NVL: variants seen among roughly 807,000 people sequenced by gnomAD.
NVL encodes nuclear valosin-containing protein-like.
NVL carries 84 observed loss-of-function variants against 110.2 expected under a neutral mutation model. The observed-to-expected ratio is 0.76, with a 90% CI of 0.64 to 0.91. The LOEUF (loss-of-function observed/expected upper bound fraction) is 0.91. Ranked by LOEUF, NVL falls within the 40% of genes least tolerant of loss-of-function variation. The probability of loss-of-function intolerance (pLI) is 0.00; values close to 1 mark genes in which losing one functional copy is unlikely to be tolerated. For missense variants in NVL, 882 were observed against 1,035.9 expected, an observed-to-expected ratio of 0.85 and a Z score of 2.04; for synonymous variants, 354 against 361.1, an observed-to-expected ratio of 0.98 and a Z score of 0.22.
chr1:224,258,614 T>C (rs528472207), intron 18 of NVL, among the ~76,000 whole-genome samples: 1 of 152,126 alleles, frequency 6.6e-6, no homozygotes, highest in East Asian at 1.9e-4. Flanking sequence ...ATAGCAGCAT[T>C]ATTCATAATA....
intron 10 of NVL, among the ~76,000 whole-genome samples, chr1:224,298,002 A>G (rs895643517): frequency 2.0e-5 from 3 of 149,192 alleles, no homozygotes; most frequent in African/African-American, 7.5e-5. Flanking sequence ...GAGCTGAGAC[A>G]TTCCAGCCTG....
intron 6 of NVL, among the ~76,000 whole-genome samples, chr1:224,307,632 G>A (rs527312495): frequency 1.3e-4 from 18 of 141,396 alleles, no homozygotes; most frequent in Admixed American, 8.7e-4. Flanking sequence ...CTGGAAGGCA[G>A]AGGTTGCAAT....
intron 19 of NVL, among the ~76,000 whole-genome samples, chr1:224,237,059 G>A (rs766175458): frequency 1.3e-5 from 2 of 152,176 alleles, no homozygotes; most frequent in Non-Finnish European, 2.9e-5. Context: ...TTCCAAACTT[G>A]AGAAAGCTAA....
At chr1:224,255,959 A>C (rs916339372) in intron 18 of NVL, among the ~76,000 whole-genome samples, 2 of 152,154 alleles carry the variant, frequency 1.3e-5, no homozygotes, top group Admixed American at 1.3e-4. Flanking sequence ...TTGCTCCAGT[A>C]CCATTGTTGA....
chr1:224,312,121 T>G (rs1669584880), intron 4 of NVL: 1 of 324,328 alleles, frequency 3.1e-6, no homozygotes, highest in African/African-American at 2.2e-5. Flanking sequence ...AATAAACACT[T>G]GCAAAGTCCT....
intron 5 of NVL, among the ~76,000 whole-genome samples, chr1:224,308,977 C>T (rs939248038): frequency 4.2e-4 from 62 of 148,470 alleles, no homozygotes; most frequent in Non-Finnish European, 1.9e-4. Flanking sequence ...AGGAGAATGG[C>T]GAGAACCCGG....
chr1:224,314,808 T>A (rs945088613), intron 4 of NVL, among the ~76,000 whole-genome samples: 2 of 151,974 alleles, frequency 1.3e-5, no homozygotes, highest in African/African-American at 2.4e-5. Flanking sequence ...GATGCAAACA[T>A]CTGTAGAAAA....
chr1:224,280,170 T>C (rs55675086), intron 16 of NVL, among the ~76,000 whole-genome samples: 3 of 141,550 alleles, frequency 2.1e-5, no homozygotes, highest in Non-Finnish European at 4.6e-5. Context: ...TGTACTGCTG[T>C]TTTTTTTTGT....
intron 10 of NVL, among the ~76,000 whole-genome samples, chr1:224,298,965 A>G (rs1668141662): frequency 6.6e-6 from 1 of 152,186 alleles, no homozygotes; most frequent in Non-Finnish European, 1.5e-5. Flanking sequence ...AGAGATAAGG[A>G]TCAGTTAAAA....
At chr1:224,328,824 T>G (rs1671404157) in intron 1 of NVL, among the ~76,000 whole-genome samples, 1 of 152,164 alleles carries the variant, frequency 6.6e-6, no homozygotes, top group Admixed American at 6.6e-5. Context: ...TTGGCCATTT[T>G]AATTTGGAGA....
intron 10 of NVL, among the ~76,000 whole-genome samples, chr1:224,296,848 T>C (rs934844413): frequency 7.9e-5 from 12 of 152,238 alleles, no homozygotes; most frequent in African/African-American, 2.9e-4. Flanking sequence ...AACACATTTA[T>C]AGTCTCTTCA....
At chr1:224,308,348 C>A in intron 5 of NVL, 85 bp from the exon 6 acceptor site, 1 of 1,268,748 alleles carries the variant, frequency 7.9e-7, no homozygotes, top group South Asian at 1.6e-5. Flanking sequence ...AATAAGTTTT[C>A]TATATTTTGT....
intron 18 of NVL, among the ~76,000 whole-genome samples, chr1:224,259,173 C>T (rs1663651524): frequency 6.6e-6 from 1 of 151,074 alleles, no homozygotes; most frequent in Non-Finnish European, 1.5e-5. Context: ...ACTGCAACCT[C>T]TGCCTTCTAG....
intron 18 of NVL, among the ~76,000 whole-genome samples, chr1:224,254,528 G>C (rs1240937684): frequency 9.3e-5 from 14 of 150,466 alleles, no homozygotes; most frequent in African/African-American, 2.7e-4. Flanking sequence ...AAGTAGCTGG[G>C]ATTACAGGCA....
chr1:224,244,353 G>A (rs552826912), intron 19 of NVL, among the ~76,000 whole-genome samples: 19 of 151,518 alleles, frequency 1.3e-4, no homozygotes, highest in African/African-American at 4.4e-4. Context: ...GGCGACAAGA[G>A]CAAAACTCCG....
At chr1:224,277,395 T>C (rs1016038327) in intron 16 of NVL, among the ~76,000 whole-genome samples, 22 of 152,168 alleles carry the variant, frequency 1.4e-4, no homozygotes, top group African/African-American at 5.3e-4. Context: ...AGTACTATTG[T>C]AAAAGAAGGC....
intron 4 of NVL, chr1:224,313,300 T>C (rs1014582570): frequency 1.3e-5 from 2 of 149,848 alleles, no homozygotes; most frequent in African/African-American, 5.0e-5. Flanking sequence ...TTACAACTCA[T>C]GCCCTAAAAA....
intron 9 of NVL, among the ~76,000 whole-genome samples, chr1:224,301,488 C>T (rs1668401151): frequency 6.6e-6 from 1 of 152,052 alleles, no homozygotes; most frequent in Non-Finnish European, 1.5e-5. Context: ...TAGTATTTCT[C>T]CAAATCCTAA....
At chr1:224,303,598 G>T in intron 9 of NVL, 125 bp downstream of exon 9, 1 of 910,750 alleles carries the variant, frequency 1.1e-6, no homozygotes, top group Non-Finnish European at 1.6e-6. Context: ...AAAGGGATCA[G>T]TTCCAATGAC....
Sources: gnomAD v4.1 joint callset for allele counts (sites outside exome capture counted in the v4.1 genomes callset) on GRCh38, gnomAD v4.1.1 for gene constraint, MANE v1.5 for transcripts, NCBI Gene and HGNC (gene_info 2026-07-23, HGNC 2026-07-21) for gene names.